FADS2: variants seen among roughly 807,000 people sequenced by gnomAD.
FADS2 encodes the protein acyl-CoA 6-desaturase.
FADS2 carries 18 observed loss-of-function variants against 61.2 expected under a neutral mutation model. The ratio of observed to expected loss-of-function variants is 0.29; its 90% CI spans 0.20 to 0.44. FADS2 has a LOEUF of 0.44. Ranked by LOEUF, FADS2 falls within the 20% of genes least tolerant of loss-of-function variation. The pLI, the probability that FADS2 is intolerant of heterozygous loss-of-function variation, is 1.00. For missense variants in FADS2, 322 were observed against 572.7 expected, an observed-to-expected ratio of 0.56 and a Z score of 4.47; for synonymous variants, 203 against 223.9, an observed-to-expected ratio of 0.91 and a Z score of 0.83.
At chr11:61,862,792 A>G (rs2067429222) in intron 7 of FADS2, 180 bp from the exon 8 acceptor site, 3 of 611,322 alleles carry the variant, frequency 4.9e-6, no homozygotes, top group Non-Finnish European at 8.8e-6. Flanking sequence ...TTCCCTAGAA[A>G]CAAAGGCAGC....
At chr11:61,834,806 A>C (rs1427323188) in intron 1 of FADS2, among the ~76,000 whole-genome samples, 1 of 152,108 alleles carries the variant, frequency 6.6e-6, no homozygotes, top group African/African-American at 2.4e-5. Context: ...TTTCAGGCCC[A>C]GCCCTGGGCC....
chr11:61,840,215 C>G, intron 2 of FADS2, 119 bp from the exon 3 acceptor site: 7 of 811,272 alleles, frequency 8.6e-6, no homozygotes, highest in South Asian at 1.5e-5. Flanking sequence ...TGTGGCTTGG[C>G]CCCCTCTTGC....
intron 4 of FADS2, among the ~76,000 whole-genome samples, chr11:61,842,192 C>T (rs965381468): frequency 1.3e-5 from 2 of 152,160 alleles, no homozygotes; most frequent in African/African-American, 2.4e-5. Context: ...CTTGGCTTGC[C>T]GGCTGCAGAT....
At chr11:61,857,194 G>GGGGCCAC in intron 6 of FADS2, 123 bp downstream of exon 6, 1 of 900,712 alleles carries the variant, frequency 1.1e-6, no homozygotes, top group East Asian at 2.5e-5. Context: ...GTTAGAAGCG[G>GGGGCCAC]GGGCCACAGC....
At chr11:61,844,542 C>T (rs2067240050) in intron 4 of FADS2, among the ~76,000 whole-genome samples, 1 of 151,322 alleles carries the variant, frequency 6.6e-6, no homozygotes, top group South Asian at 2.1e-4. Flanking sequence ...GAGTGAGGCT[C>T]CATCTCAAAA....
rs1432858410 is a variant in FADS2 at position 61,816,834 on chromosome 11, G to A, written c.141+408G>A. ...TGCTCGGGGTCCGCGGGCTCCAGGA[G>A]TGGATTTGCTGGCGCGCGCCCAGAG... is the stretch of plus-strand genomic sequence containing the variant. On this transcript the variant is annotated intron_variant, in intron 1 of 11. Transcript: ENST00000257261. The surrounding 1 kb of genome is among the most constrained non-coding windows in gnomAD (Gnocchi z 7.0). 1.3e-6 allele frequency: 2 copies of A among 1,492,966 alleles called. No homozygotes were observed. The highest frequency in any genetic ancestry group is 1.8e-6 in the Non-Finnish European group (2 of 1,131,222). The allele number at this position is 1,492,966 out of a possible 1,614,324, so 92.5% of individuals were successfully genotyped here.
intron 9 of FADS2, 112 bp from the exon 10 acceptor site, chr11:61,863,595 T>C: frequency 7.7e-6 from 7 of 905,114 alleles, no homozygotes; most frequent in South Asian, 1.5e-5. Flanking sequence ...GGCAGGACGG[T>C]ATGATGTGGA....
At chr11:61,837,178 A>C (rs975227521) in intron 1 of FADS2, among the ~76,000 whole-genome samples, 1 of 152,278 alleles carries the variant, frequency 6.6e-6, no homozygotes, top group Non-Finnish European at 1.5e-5. Flanking sequence ...AAAATAAAGC[A>C]AGGCATAATC....
chr11:61,840,403 C>G lies in FADS2; in HGVS notation c.388C>G (p.His130Asp). The G allele has an allele frequency of 1.2e-6, 2 of 1,614,176 alleles. No homozygotes were observed. The highest frequency in any genetic ancestry group is 1.7e-6 in the Non-Finnish European group (2 of 1,180,012). The change falls in exon 3 of 12, where the codon CAC becomes GAC. Residue 130 changes from histidine (H) to aspartate (D), a missense_variant. By Grantham distance (81) the His-to-Asp change is moderately conservative. Coordinates refer to ENST00000278840, the MANE Select transcript of FADS2 (RefSeq NM_004265.4). ...GGACATGAACCTGTTCAAGACCAAC[C>G]ACGTGTTCTTCCTCCTCCTCCTGGC... ...AEDMNLFKTN[H>D]VFFLLLLAHI... is the part of the protein sequence containing the mutation.
intron 4 of FADS2, 197 bp from the exon 5 acceptor site, chr11:61,847,962 G>A: frequency 1.7e-6 from 1 of 591,318 alleles, no homozygotes; most frequent in Non-Finnish European, 3.0e-6. Flanking sequence ...GAGAGATAAA[G>A]TGACTTCACT....
chr11:61,857,348 T>TCTGCAGGGCTGGCCC (rs1160281142), intron 6 of FADS2, 106 bp from the exon 7 acceptor site: 1 of 1,056,612 alleles, frequency 9.5e-7, no homozygotes, highest in Non-Finnish European at 1.5e-6. Flanking sequence ...TCTGCCCACG[T>TCTGCAGGGCTGGCCC]CTGCAGGGCT....
Position 61,840,621 on chromosome 11 carries a change from C to T in FADS2, c.517-3C>T, listed in dbSNP as rs368175202. On this transcript the variant is annotated splice_polypyrimidine_tract_variant and splice_region_variant and intron_variant, in intron 3 of 11. Coordinates refer to ENST00000278840, the MANE Select transcript of FADS2 (RefSeq NM_004265.4). ...GACAGCACGTGTGACCCTCTCTCCC[C>T]AGGCCCAAGCTGGATGGCTGCAACA... 4 of 1,614,042 alleles carry T rather than the reference C, an allele frequency of 2.5e-6. No homozygotes were observed. Among genetic ancestry groups the T allele is most frequent in the Non-Finnish European group, 3.4e-6 (4 of 1,179,984 alleles).
intron 1 of FADS2, among the ~76,000 whole-genome samples, chr11:61,834,121 C>G (rs944579049): frequency 2.0e-5 from 3 of 152,186 alleles, no homozygotes; most frequent in Admixed American, 2.0e-4. Context: ...TTGGGAAAAG[C>G]CTCTTGGAGG....
rs1314908117 is a variant in FADS2, at chr11:61,857,644, G to A, written c.882+114G>A. On this transcript the variant is annotated intron_variant, in intron 7 of 11. Transcript: ENST00000278840. ...CCCAGTGGAGCCTGTGGGGCCCCAGGCATCTCCTCCCTGGGGTAGCTGCCT... is the reference window on the plus strand; with the variant it reads ...CCCAGTGGAGCCTGTGGGGCCCCAGACATCTCCTCCCTGGGGTAGCTGCCT... The A allele has an allele frequency of 8.6e-5, 71 of 829,714 alleles. No homozygotes were observed. The Admixed American group carries it at 1.3e-3, about 16-fold the overall frequency. 51.4% of individuals were successfully genotyped at this position (829,714 alleles called of 1,614,324 possible).
chr11:61,853,872 C>T (rs149297078), intron 5 of FADS2, among the ~76,000 whole-genome samples: 174 of 152,282 alleles, frequency 1.1e-3, no homozygotes, highest in African/African-American at 4.0e-3. Context: ...ACAAGGAGGG[C>T]CCTTGTCATT....
chr11:61,857,206 G>A, intron 6 of FADS2, 135 bp downstream of exon 6: 1 of 821,272 alleles, frequency 1.2e-6, no homozygotes, highest in South Asian at 1.5e-5. Context: ...GGCCACAGCA[G>A]CCTTGCTGTG....
chr11:61,835,169 G>T (rs1013837951), intron 1 of FADS2, among the ~76,000 whole-genome samples: 1 of 152,256 alleles, frequency 6.6e-6, no homozygotes, highest in East Asian at 1.9e-4. Context: ...CGGCTAGTGG[G>T]TCACAGGCAT....
intron 7 of FADS2, chr11:61,862,607 G>A: frequency 3.4e-6 from 1 of 293,946 alleles, no homozygotes; most frequent in South Asian, 3.6e-5. Context: ...GGACAGGACT[G>A]GGGGACGGTT....
At chr11:61,834,483 G>T (rs532973895) in intron 1 of FADS2, among the ~76,000 whole-genome samples, 1 of 152,214 alleles carries the variant, frequency 6.6e-6, no homozygotes, top group East Asian at 1.9e-4. Context: ...CATTACCCCT[G>T]GGCTCAGGGA....
Sources: allele counts gnomAD v4.1 joint callset (sites outside exome capture counted in the v4.1 genomes callset), GRCh38; gene constraint gnomAD v4.1.1; non-coding constraint Gnocchi (gnomAD v3.1); transcripts MANE v1.5; gene names NCBI Gene and HGNC (gene_info 2026-07-23, HGNC 2026-07-21).